The following RANBP2 variants were observed in gnomAD, a reference collection of about 807,000 sequenced individuals.
The protein encoded by RANBP2 is E3 SUMO-protein ligase RanBP2.
Under a neutral mutation model 303.6 loss-of-function variants are expected in RANBP2, and 57 were observed. That is an observed-to-expected ratio of 0.19 (90% CI 0.15 to 0.23). The LOEUF (loss-of-function observed/expected upper bound fraction) is 0.23, where lower values mean the gene tolerates loss of function less well. Among genes scored for constraint, RANBP2 ranks in the 10% least tolerant of loss-of-function variants. RANBP2 has a pLI of 1.00. For missense variants in RANBP2, 3,138 were observed against 3,780.8 expected, an observed-to-expected ratio of 0.83 and a Z score of 4.46; for synonymous variants, 1,167 against 1,301.5, an observed-to-expected ratio of 0.90 and a Z score of 2.23.
the RANBP2 span, chr2:109,615,570 G>C: frequency 1.9e-6 from 3 of 1,614,078 alleles, no homozygotes; most frequent in Non-Finnish European, 2.5e-6. Flanking sequence ...GAAGCTGCTG[G>C]TGGGGGCCTA....
chr2:109,029,983 G>C, the RANBP2 span, among the ~76,000 whole-genome samples: 1 of 152,184 alleles, frequency 6.6e-6, no homozygotes, highest in Admixed American at 6.5e-5. Flanking sequence ...TGGATTGATT[G>C]ATTCATTCAT....
chr2:109,480,390 A>G, the RANBP2 span, among the ~76,000 whole-genome samples: 1 of 152,192 alleles, frequency 6.6e-6, no homozygotes, highest in East Asian at 1.9e-4. Context: ...TCAAGGGTGC[A>G]TGGCTGGTGA....
At chr2:109,283,724 A>T in the RANBP2 span, among the ~76,000 whole-genome samples, 4 of 152,174 alleles carry the variant, frequency 2.6e-5, no homozygotes, top group Non-Finnish European at 5.9e-5. Flanking sequence ...GGGATGCTAA[A>T]TCGCTGGCCT....
At chr2:108,926,058 T>A in the RANBP2 span, among the ~76,000 whole-genome samples, 352 of 152,326 alleles carry the variant, frequency 2.3e-3, 1 homozygote, top group African/African-American at 8.1e-3. Context: ...TTTCTAAATG[T>A]TAGGTTCTCT....
chr2:108,997,616 G>A, the RANBP2 span, among the ~76,000 whole-genome samples: 1 of 151,858 alleles, frequency 6.6e-6, no homozygotes, highest in African/African-American at 2.4e-5. Flanking sequence ...CTGTGGCCGA[G>A]CACGGTGGAT....
the RANBP2 span, among the ~76,000 whole-genome samples, chr2:109,340,119 T>C: frequency 6.6e-6 from 1 of 152,142 alleles, no homozygotes; most frequent in African/African-American, 2.4e-5. Flanking sequence ...AAATAATGGC[T>C]GAGTTACTTT....
At position 108,755,193 on chromosome 2, in the gene RANBP2, A is replaced by C; in HGVS notation, c.2400A>C (p.Pro800=). Reference sequence around the variant, plus strand: ...TTTTTTAGTATTCTCCCAAAACACCACCTCGATGGGCAGAAGATCAGAATT... The same window carrying C: ...TTTTTTAGTATTCTCCCAAAACACCCCCTCGATGGGCAGAAGATCAGAATT... The part of the protein sequence containing the change: ...SKSYKYSPKT[P]PRWAEDQNSL... The change falls in exon 17 of 29, where the codon CCA becomes CCC. Residue 800 remains proline (P), a synonymous_variant. Transcript: ENST00000283195. 1.9e-6 allele frequency: 3 copies of C among 1,611,862 alleles called. No individual in the cohort carries two copies. Among genetic ancestry groups the C allele is most frequent in the Non-Finnish European group, 2.5e-6 (3 of 1,179,830 alleles).
chr2:109,554,397 T>C, the RANBP2 span, among the ~76,000 whole-genome samples: 1 of 152,216 alleles, frequency 6.6e-6, no homozygotes, highest in Non-Finnish European at 1.5e-5. Flanking sequence ...ATGTATTCAT[T>C]CATTCATTCT....
chr2:109,580,877 C>T, the RANBP2 span, among the ~76,000 whole-genome samples: 2 of 152,170 alleles, frequency 1.3e-5, no homozygotes, highest in Admixed American at 6.5e-5. Context: ...CAGCACAGCG[C>T]CTGGCCATTC....
chr2:109,171,467 G>T, the RANBP2 span, among the ~76,000 whole-genome samples: 1 of 152,208 alleles, frequency 6.6e-6, no homozygotes, highest in Non-Finnish European at 1.5e-5. Context: ...CCTGCTCCAC[G>T]CTTGCCCCCC....
At chr2:109,054,826 G>A in the RANBP2 span, among the ~76,000 whole-genome samples, 1 of 151,966 alleles carries the variant, frequency 6.6e-6, no homozygotes, top group Admixed American at 6.6e-5. Context: ...TCCCTGCCCT[G>A]GCCCCCTCTC....
At chr2:109,587,139 G>T in the RANBP2 span, among the ~76,000 whole-genome samples, 4 of 152,112 alleles carry the variant, frequency 2.6e-5, no homozygotes, top group African/African-American at 9.7e-5. Context: ...GAAAAAGATG[G>T]ATATAATGGG....
At position 108,766,325 on chromosome 2, in the gene RANBP2, G is replaced by T. The variant is rs778007786; in HGVS notation, c.5786G>T (p.Gly1929Val). ...GTGFQAQDIS[G>V]QKNGRGVIFG... ...GGCTTCCAGGCTCAGGATATTAGTG[G>T]CCAGAAGAATGGCCGTGGTGTGATT... Residue 1929 changes from glycine (G) to valine (V), a missense_variant, in exon 20 of 29, where the codon GGC becomes GTC. Around this residue, in one of 20 missense-constraint regions of RANBP2, gnomAD observed 348 missense variants for 360.4 expected, o/e 0.97. Transcript: ENST00000283195. 1.9e-6 allele frequency: 3 copies of T among 1,611,970 alleles called. No individual in the cohort carries two copies. Among genetic ancestry groups the T allele is most frequent in the Admixed American group, 1.7e-5 (1 of 60,004 alleles).
the RANBP2 span, among the ~76,000 whole-genome samples, chr2:109,146,215 A>G: frequency 7.8e-3 from 1,188 of 152,272 alleles, 13 homozygotes; most frequent in East Asian, 0.034. Flanking sequence ...TGGAGCTAAC[A>G]CTTGTTGGTC....
the RANBP2 span, among the ~76,000 whole-genome samples, chr2:109,459,093 T>C: frequency 1.3e-5 from 2 of 151,856 alleles, no homozygotes; most frequent in Non-Finnish European, 2.9e-5. Context: ...GGATTCAGAG[T>C]CTTTGAGTGG....
chr2:109,149,537 G>A, the RANBP2 span, among the ~76,000 whole-genome samples: 3 of 152,292 alleles, frequency 2.0e-5, no homozygotes, highest in South Asian at 2.1e-4. Flanking sequence ...AGGGGAATTC[G>A]CTTGTTTGAC....
the RANBP2 span, among the ~76,000 whole-genome samples, chr2:109,474,613 G>T: frequency 1.3e-5 from 2 of 152,362 alleles, no homozygotes; most frequent in Non-Finnish European, 2.9e-5. Context: ...TTTGGGCAGG[G>T]GGGGAGAACG....
Position 108,766,655 on chromosome 2 carries a change from G to A in RANBP2, c.6116G>A (p.Arg2039Gln), listed in dbSNP as rs545733728. 14 of 1,611,934 alleles carry A rather than the reference G, an allele frequency of 8.7e-6. No individual in the cohort carries two copies. The highest frequency in any genetic ancestry group is 2.7e-5 in the African/African-American group (2 of 74,930). ...GATGAAAAAGTTCTGTATTCACAGC[G>A]GGTAAAACTATTTAGATTTGATGCT... ...EEDEKVLYSQ[R>Q]VKLFRFDAEV... The change falls in exon 20 of 29, where the codon CGG becomes CAG. Residue 2039 changes from arginine (R) to glutamine (Q), a missense_variant. This residue lies in a region of RANBP2 where 348 missense variants were observed against 360.4 expected (regional missense o/e 0.97). Coordinates refer to ENST00000283195, the MANE Select transcript of RANBP2 (RefSeq NM_006267.5).
the RANBP2 span, among the ~76,000 whole-genome samples, chr2:109,365,184 C>T: frequency 3.3e-5 from 5 of 152,208 alleles, no homozygotes; most frequent in Admixed American, 2.0e-4. Context: ...TTCCCCTCCC[C>T]CTGCCAGAAG....
Sources: allele counts gnomAD v4.1 joint callset (sites outside exome capture counted in the v4.1 genomes callset), GRCh38; gene constraint gnomAD v4.1.1; regional missense constraint gnomAD v4.1.1; transcripts MANE v1.5; gene names NCBI Gene and HGNC (gene_info 2026-07-23, HGNC 2026-07-21).